The following COL22A1 variants were observed in gnomAD, a reference collection of about 807,000 sequenced individuals.
COL22A1 encodes collagen alpha-1(XXII) chain.
In COL22A1, 221 loss-of-function variants were observed where a neutral mutation model predicts 248.9. The ratio of observed to expected loss-of-function variants is 0.89; its 90% CI spans 0.80 to 0.99. The LOEUF (loss-of-function observed/expected upper bound fraction) is 0.99. Among genes scored for constraint, COL22A1 ranks in the 50% least tolerant of loss-of-function variants. The pLI, the probability that COL22A1 is intolerant of heterozygous loss-of-function variation, is 0.00. For synonymous variants in COL22A1, 891 were observed against 793.4 expected (o/e 1.12, Z -2.07); for missense variants, 2,240 against 2,179.0 (o/e 1.03, Z -0.56).
chr8:138,879,396 AG>A (rs754121378), intron 2 of COL22A1, among the ~76,000 whole-genome samples: 52 of 152,272 alleles, frequency 3.4e-4, no homozygotes, highest in Non-Finnish European at 5.9e-4. Context: ...ACTATCAAGA[AG>A]CCCTGGTCTT....
At chr8:138,732,927 G>A (rs932932766) in intron 23 of COL22A1, among the ~76,000 whole-genome samples, 6 of 152,322 alleles carry the variant, frequency 3.9e-5, no homozygotes, top group Admixed American at 3.9e-4. Flanking sequence ...GAAGATGCAT[G>A]AAAATTACTT....
intron 9 of COL22A1, 55 bp from the exon 10 acceptor site, chr8:138,807,867 CT>C: frequency 6.4e-7 from 1 of 1,566,062 alleles, no homozygotes; most frequent in Non-Finnish European, 8.8e-7. Context: ...TTCCCTTTCT[CT>C]CAACACTGGA....
chr8:138,882,747 C>A (rs1372208512), intron 2 of COL22A1, among the ~76,000 whole-genome samples: 1 of 151,546 alleles, frequency 6.6e-6, no homozygotes, highest in South Asian at 2.1e-4. Context: ...CAAACTCACA[C>A]ACATTCCCTC....
intron 3 of COL22A1, among the ~76,000 whole-genome samples, chr8:138,875,888 G>A (rs1823682291): frequency 6.6e-6 from 1 of 152,166 alleles, no homozygotes; most frequent in South Asian, 2.1e-4. Flanking sequence ...ATGCTCTAGG[G>A]TAGATTACCT....
At chr8:138,809,066 ATT>A (rs35173710) in intron 9 of COL22A1, among the ~76,000 whole-genome samples, 71,457 of 149,352 alleles carry the variant, frequency 0.48, 17,092 homozygotes, top group Middle Eastern at 0.57. Context: ...CCTGTGTTGT[ATT>A]TTTTTTTTTT....
At chr8:138,901,171 A>C (rs1814521412) in intron 1 of COL22A1, among the ~76,000 whole-genome samples, 4 of 106,782 alleles carry the variant, frequency 3.7e-5, no homozygotes, top group Non-Finnish European at 7.7e-5. Flanking sequence ...CACTGCTTTC[A>C]AAAAAAAAAA....
At chr8:138,718,692 A>G (rs573953857) in intron 27 of COL22A1, among the ~76,000 whole-genome samples, 1 of 152,354 alleles carries the variant, frequency 6.6e-6, no homozygotes, top group East Asian at 1.9e-4. Flanking sequence ...CTCCTCTAGG[A>G]CTATGAGTAT....
intron 59 of COL22A1, 82 bp downstream of exon 59, chr8:138,604,652 C>G (rs1818286677): frequency 5.7e-6 from 7 of 1,229,634 alleles, no homozygotes; most frequent in Non-Finnish European, 8.4e-6. Context: ...GTGGGCCCTT[C>G]TAAGCCCAGG....
At chr8:138,748,624 C>T (rs1186025497) in intron 22 of COL22A1, among the ~76,000 whole-genome samples, 1 of 152,114 alleles carries the variant, frequency 6.6e-6, no homozygotes, top group Non-Finnish European at 1.5e-5. Flanking sequence ...ATCATCACTG[C>T]ACCCCAACCC....
chr8:138,784,376 G>A (rs1235785872), intron 12 of COL22A1, among the ~76,000 whole-genome samples: 2 of 152,220 alleles, frequency 1.3e-5, no homozygotes, highest in South Asian at 2.1e-4. Context: ...ACTTTTGTGG[G>A]TTAAACTATC....
chr8:138,830,968 A>G (rs1819999687), intron 5 of COL22A1, among the ~76,000 whole-genome samples: 1 of 152,194 alleles, frequency 6.6e-6, no homozygotes, highest in Admixed American at 6.5e-5. Context: ...TGGAGAGAGA[A>G]CAACCTCATT....
intron 10 of COL22A1, among the ~76,000 whole-genome samples, chr8:138,804,384 G>A (rs1384244550): frequency 6.6e-6 from 1 of 152,198 alleles, no homozygotes; most frequent in Non-Finnish European, 1.5e-5. Context: ...CCTTTTCAGT[G>A]CTCTTCTCCT....
chr8:138,869,899 T>C (rs958591714), intron 3 of COL22A1, among the ~76,000 whole-genome samples: 2 of 152,082 alleles, frequency 1.3e-5, no homozygotes, highest in African/African-American at 2.4e-5. Context: ...GTGGGTCACT[T>C]TGTGGTCACA....
chr8:138,746,683 G>T (rs993690958), intron 22 of COL22A1, among the ~76,000 whole-genome samples: 2 of 152,214 alleles, frequency 1.3e-5, no homozygotes, highest in Admixed American at 1.3e-4. Flanking sequence ...TGCACCCTGT[G>T]CTAATGCTCC....
intron 39 of COL22A1, among the ~76,000 whole-genome samples, chr8:138,681,695 C>A (rs1042135660): frequency 1.3e-5 from 2 of 152,142 alleles, no homozygotes; most frequent in African/African-American, 4.8e-5. Flanking sequence ...GTGGTTAATG[C>A]ACAAAATCCT....
intron 47 of COL22A1, among the ~76,000 whole-genome samples, chr8:138,642,312 G>A (rs544111958): frequency 8.6e-4 from 131 of 152,324 alleles, no homozygotes; most frequent in Non-Finnish European, 1.7e-3. Context: ...CATCTGTAAA[G>A]TGAAACAACA....
intron 6 of COL22A1, among the ~76,000 whole-genome samples, chr8:138,821,860 T>C (rs1178384254): frequency 1.3e-5 from 2 of 152,146 alleles, no homozygotes; most frequent in African/African-American, 2.4e-5. Context: ...TCTTCAGGCC[T>C]GATCTATTAC....
chr8:138,861,231 T>A (rs145841556), intron 3 of COL22A1, among the ~76,000 whole-genome samples: 1 of 152,124 alleles, frequency 6.6e-6, no homozygotes, highest in Admixed American at 6.5e-5. Flanking sequence ...GCAGACCAAC[T>A]GGAGCAAGGA....
At position 138,649,132 on chromosome 8, in the gene COL22A1, G is replaced by A. The variant is rs576788924; in HGVS notation, c.3447+533C>T. 1.4e-4 allele frequency among the ~76,000 whole-genome samples: 22 copies of A among 152,280 alleles called. No individual in the cohort carries two copies. In the South Asian group the frequency reaches 3.7e-3, roughly 26 times the overall value. ...AACTCCCTACCTCTGTTTTGCTCCA[G>A]GACAGACCATGAACTCCTTTAGAAT... is the stretch of plus-strand genomic sequence containing the variant. On this transcript the variant is annotated intron_variant, in intron 46 of 64. Transcript: ENST00000303045.
Sources: gnomAD v4.1 joint callset for allele counts (sites outside exome capture counted in the v4.1 genomes callset) on GRCh38, gnomAD v4.1.1 for gene constraint, MANE v1.5 for transcripts, NCBI Gene and HGNC (gene_info 2026-07-23, HGNC 2026-07-21) for gene names.